RTN1: variants seen among roughly 807,000 people sequenced by gnomAD.
The protein encoded by RTN1 is reticulon 1.
In RTN1, 25 loss-of-function variants were observed where a neutral mutation model predicts 65.5. The ratio of observed to expected loss-of-function variants is 0.38; its 90% CI spans 0.28 to 0.53. The LOEUF is 0.53. Ranked by LOEUF, RTN1 falls within the 20% of genes least tolerant of loss-of-function variation. The pLI is 0.79. For missense variants in RTN1, 983 were observed against 1,025.4 expected (o/e 0.96, Z 0.57); for synonymous variants, 471 against 447.6 (o/e 1.05, Z -0.66).
At chr14:59,750,182 A>AT (rs1383394215) in intron 1 of RTN1, among the ~76,000 whole-genome samples, 3 of 40,864 alleles carry the variant, frequency 7.3e-5, no homozygotes, top group African/African-American at 3.8e-4. Context: ...TATAATATAT[A>AT]ATACATATAT....
chr14:59,761,997 T>C (rs1043961407), intron 1 of RTN1, among the ~76,000 whole-genome samples: 1 of 151,992 alleles, frequency 6.6e-6, no homozygotes. Flanking sequence ...TGGCAGACAA[T>C]GTGGTGTGAT....
At chr14:59,799,335 A>T (rs891722460) in intron 1 of RTN1, among the ~76,000 whole-genome samples, 1 of 152,216 alleles carries the variant, frequency 6.6e-6, no homozygotes, top group African/African-American at 2.4e-5. Flanking sequence ...TAACAAGTGG[A>T]AAGCTTCAGG....
At chr14:59,609,225 T>C (rs930448506) in intron 3 of RTN1, among the ~76,000 whole-genome samples, 2 of 150,718 alleles carry the variant, frequency 1.3e-5, no homozygotes, top group African/African-American at 4.9e-5. Context: ...GCAGAGGTTG[T>C]AGTGAGCCAA....
intron 3 of RTN1, among the ~76,000 whole-genome samples, chr14:59,673,072 T>C (rs536258896): frequency 6.6e-6 from 1 of 152,256 alleles, no homozygotes; most frequent in African/African-American, 2.4e-5. Context: ...ATGAAAACTT[T>C]TATTGAAATA....
chr14:59,605,526 A>C lies in RTN1; in HGVS notation c.1974-20T>G. ...TAGGCCCTGTCAACAAACCATTCCC[A>C]CAGAAAATTCCGTCAGAGGGAATCA... On this transcript the variant is annotated intron_variant, in intron 4 of 8. Transcript: ENST00000267484. 1 of 1,612,564 alleles carries C rather than the reference A, an allele frequency of 6.2e-7. No individual in the cohort carries two copies. The highest frequency in any genetic ancestry group is 8.5e-7 in the Non-Finnish European group (1 of 1,179,440).
intron 3 of RTN1, among the ~76,000 whole-genome samples, chr14:59,664,238 G>T (rs79528882): frequency 5.3e-5 from 8 of 152,068 alleles, no homozygotes; most frequent in Non-Finnish European, 1.0e-4. Flanking sequence ...AACACTGCAT[G>T]TTCTCACTCA....
chr14:59,708,008 C>T (rs942055819), intron 3 of RTN1, among the ~76,000 whole-genome samples: 3 of 152,196 alleles, frequency 2.0e-5, no homozygotes, highest in Non-Finnish European at 4.4e-5. Flanking sequence ...CTAACATTTC[C>T]TTATGCTCCA....
chr14:59,782,401 G>T (rs911817480), intron 1 of RTN1, among the ~76,000 whole-genome samples: 2 of 152,122 alleles, frequency 1.3e-5, no homozygotes, highest in African/African-American at 2.4e-5. Flanking sequence ...CCTTGGTTTT[G>T]AACTTTTCTT....
At chr14:59,679,215 C>T (rs1447562598) in intron 3 of RTN1, among the ~76,000 whole-genome samples, 1 of 152,164 alleles carries the variant, frequency 6.6e-6, no homozygotes, top group Non-Finnish European at 1.5e-5. Flanking sequence ...GAAGTATTCT[C>T]AATTTCCCTC....
intron 3 of RTN1, among the ~76,000 whole-genome samples, chr14:59,649,612 A>T (rs902520706): frequency 1.2e-4 from 18 of 152,366 alleles, no homozygotes; most frequent in African/African-American, 3.8e-4. Context: ...CACTTCTCAA[A>T]AGAAGACATT....
intron 3 of RTN1, among the ~76,000 whole-genome samples, chr14:59,657,547 C>T (rs1257674524): frequency 7.2e-5 from 11 of 152,222 alleles, no homozygotes. Flanking sequence ...AGGTACCTGG[C>T]TCATCTCACT....
At chr14:59,811,752 G>A (rs772245602) in intron 1 of RTN1, among the ~76,000 whole-genome samples, 8 of 152,168 alleles carry the variant, frequency 5.3e-5, no homozygotes, top group Admixed American at 2.6e-4. Context: ...GTTTCAACAT[G>A]TCTCCACTTA....
At chr14:59,857,704 C>T (rs1349050349) in intron 1 of RTN1, among the ~76,000 whole-genome samples, 1 of 152,198 alleles carries the variant, frequency 6.6e-6, no homozygotes, top group East Asian at 1.9e-4. Context: ...GAATTATCCT[C>T]ATTGAATTCA....
rs530516481 is a variant in RTN1 at position 59,857,611 on chromosome 14, C to G, written c.241+12779G>C. ...CATCTTTCTTCCCATGTACCTCCCT[C>G]TTTATTCCCATGGTTACTTATTAGA... On this transcript the variant is annotated intron_variant, in intron 1 of 8. Coordinates refer to ENST00000267484, the MANE Select transcript of RTN1 (RefSeq NM_021136.3). Among the ~76,000 whole-genome samples the G allele has an allele frequency of 8.5e-5, 13 of 152,342 alleles. No homozygotes were observed. The East Asian group carries it at 2.5e-3, about 29-fold the overall frequency.
intron 1 of RTN1, among the ~76,000 whole-genome samples, chr14:59,834,940 T>C (rs1887188623): frequency 6.6e-6 from 1 of 152,210 alleles, no homozygotes. Context: ...AAAACAGTTT[T>C]GCAGTTTCTT....
In RTN1 at chr14:59,816,849, C is replaced by A. The variant is rs1029690909; in HGVS notation, c.241+53541G>T. Among the ~76,000 whole-genome samples the A allele has an allele frequency of 1.3e-5, 2 of 152,144 alleles. No homozygotes were observed. The highest frequency in any genetic ancestry group is 2.9e-5 in the Non-Finnish European group (2 of 68,032). On this transcript the variant is annotated intron_variant, in intron 1 of 8. Transcript: ENST00000267484. This position sits in a 1 kb window ranked among gnomAD's most constrained non-coding sequence, Gnocchi z 4.3. Reference sequence around the variant, plus strand: ...TCGGGAGGCTAAGGTGGGAGGATCACCTGAGCCTGAGAGGCGGAGGTTGCA... The same window carrying A: ...TCGGGAGGCTAAGGTGGGAGGATCAACTGAGCCTGAGAGGCGGAGGTTGCA...
chr14:59,848,839 A>T (rs950896233), intron 1 of RTN1, among the ~76,000 whole-genome samples: 2 of 152,226 alleles, frequency 1.3e-5, no homozygotes, highest in African/African-American at 4.8e-5. Context: ...TAGACAAGGA[A>T]ATCAAACATT....
intron 1 of RTN1, among the ~76,000 whole-genome samples, chr14:59,837,154 G>A (rs1256476934): frequency 6.6e-6 from 1 of 151,942 alleles, no homozygotes; most frequent in African/African-American, 2.4e-5. Context: ...AGAGTAGGAA[G>A]CTTAGAAACA....
intron 1 of RTN1, among the ~76,000 whole-genome samples, chr14:59,859,538 G>T (rs1887668571): frequency 6.6e-6 from 1 of 152,270 alleles, no homozygotes; most frequent in Non-Finnish European, 1.5e-5. Context: ...AGTAAAGTGG[G>T]GTGCTGCTGA....
Sources: gnomAD v4.1 joint callset for allele counts (sites outside exome capture counted in the v4.1 genomes callset) on GRCh38, gnomAD v4.1.1 for gene constraint, Gnocchi (gnomAD v3.1) non-coding constraint, MANE v1.5 for transcripts, NCBI Gene and HGNC (gene_info 2026-07-23, HGNC 2026-07-21) for gene names.